APOB: variants seen among roughly 807,000 people sequenced by gnomAD.
APOB encodes the protein apolipoprotein B-100.
APOB carries 153 observed loss-of-function variants against 314.1 expected under a neutral mutation model. That is an observed-to-expected ratio of 0.49 (90% CI 0.43 to 0.56). The LOEUF (loss-of-function observed/expected upper bound fraction) is 0.56. Among genes scored for constraint, APOB ranks in the 20% least tolerant of loss-of-function variants. APOB has a pLI of 0.00. For missense variants in APOB, 5,430 were observed against 5,350.7 expected (o/e 1.01, Z -0.46); for synonymous variants, 2,087 against 2,036.4 (o/e 1.02, Z -0.67).
At position 21,019,757 on chromosome 2, in the gene APOB, A is replaced by C. The variant is rs766825365; in HGVS notation, c.2965T>G (p.Ser989Ala). 2 of 1,614,134 alleles carry C rather than the reference A, an allele frequency of 1.2e-6. No individual in the cohort carries two copies. The highest frequency in any genetic ancestry group is 3.3e-5 in the Admixed American group (2 of 60,012). The change falls in exon 19 of 29, where the codon TCC (serine) becomes GCC (alanine). Residue 989 changes from serine to alanine, a missense_variant. Transcript: ENST00000233242. ...GAYSNASSTD[S>A]ASYYPLTGDT... ...CCGGTCAGCGGATAGTAGGAGGCGG[A>C]GTCTGTGGAGCTGGCGTTGGAGTAA... is the stretch of plus-strand genomic sequence containing the variant.
rs780572928 is a variant in APOB at position 21,012,318 on chromosome 2, T to G, written c.4550A>C (p.Glu1517Ala). 17 of 1,614,026 alleles carry G rather than the reference T, an allele frequency of 1.1e-5. No homozygotes were observed. Among genetic ancestry groups the G allele is most frequent in the Non-Finnish European group, 1.4e-5 (17 of 1,180,034 alleles). ...RDPNTGRLNG[E>A]SNLRFNSSYL... ...GGAGGAGTTAAACCTCAGGTTGGAC[T>G]CTCCATTGAGCCGGCCAGTGTTAGG... The change falls in exon 26 of 29, where the codon GAG becomes GCG. Residue 1517 changes from glutamate to alanine, a missense_variant. By Grantham distance (107) the Glu-to-Ala change is moderately radical. This residue lies in a region of APOB where 2,085 missense variants were observed against 2,079.7 expected (regional missense o/e 1.00). Transcript: ENST00000233242.
chr2:21,010,241 T>A lies in APOB; in HGVS notation c.6627A>T (p.Leu2209Phe). The change falls in exon 26 of 29, where the codon TTA becomes TTT. Residue 2209 changes from leucine (L) to phenylalanine (F), a missense_variant. Around this residue, in one of 3 missense-constraint regions of APOB, gnomAD observed 3,281 missense variants for 3,171.0 expected, o/e 1.03. Coordinates refer to ENST00000233242, the MANE Select transcript of APOB (RefSeq NM_000384.3). Reference sequence around the variant, plus strand: ...TATGATAGTGCTCATCAAGACTTTTTAATTTTTCAATGATTTCATCAATAA... The same window carrying A: ...TATGATAGTGCTCATCAAGACTTTTAAATTTTTCAATGATTTCATCAATAA... ...ANIIDEIIEK[L>F]KSLDEHYHIR... The A allele has an allele frequency of 1.9e-6, 3 of 1,558,574 alleles. No homozygotes were observed. Among genetic ancestry groups the A allele is most frequent in the East Asian group, 4.5e-5 (2 of 44,152 alleles).
Position 21,012,881 on chromosome 2 carries a change from C to A in APOB, c.4217-230G>T, listed in dbSNP as rs149188540. On this transcript the variant is annotated intron_variant, in intron 25 of 28. Transcript: ENST00000233242. ...GGTTCCCTTGTTGAGTGCTTCCACTCTACCTTATACTTATATACTACACTT... is the reference window on the plus strand; with the variant it reads ...GGTTCCCTTGTTGAGTGCTTCCACTATACCTTATACTTATATACTACACTT... 3.9e-5 allele frequency among the ~76,000 whole-genome samples: 6 copies of A among 152,330 alleles called. No individual in the cohort carries two copies. The East Asian group carries it at 1.2e-3, about 29-fold the overall frequency.
intron 24 of APOB, among the ~76,000 whole-genome samples, 164 bp downstream of exon 24, chr2:21,014,284 T>G (rs764135670): frequency 6.6e-6 from 1 of 152,266 alleles, no homozygotes; most frequent in Non-Finnish European, 1.5e-5. Flanking sequence ...GTTCTCATGT[T>G]TACTAATGCA....
chr2:21,014,252 G>C (rs1326764869), intron 24 of APOB, among the ~76,000 whole-genome samples, 196 bp downstream of exon 24: 2 of 152,184 alleles, frequency 1.3e-5, no homozygotes, highest in Non-Finnish European at 2.9e-5. Context: ...GACTTTCTTA[G>C]ATTCTTCCTG....
rs561148083 is a variant in APOB at position 21,042,649 on chromosome 2, A to T, written c.122-173T>A. Among the ~76,000 whole-genome samples, 27 of 152,150 alleles carry T rather than the reference A, an allele frequency of 1.8e-4. 1 individual carries two copies. Among genetic ancestry groups the T allele is most frequent in the African/African-American group, 5.8e-4 (24 of 41,510 alleles). ...CCTTTATAGATTTGACTTCTCCATT[A>T]TGTTTTTGCTGAGGCTAATGTTTAA... On this transcript the variant is annotated intron_variant, in intron 2 of 28. Transcript: ENST00000233242.
At chr2:21,022,761 CA>C in intron 18 of APOB, 69 bp downstream of exon 18, 1 of 1,493,358 alleles carries the variant, frequency 6.7e-7, no homozygotes, top group Admixed American at 1.7e-5. Context: ...TTTAGCCTGG[CA>C]AAATTCTGCA....
chr2:21,007,268 G>A lies in APOB; in HGVS notation c.9600C>T (p.Ser3200=). ...LAVLCEFISQ[S]IKSFDRHFEK... ...CAAAATGCCTGTCAAAGGATTTGAT[G>A]CTCTGACTGATAAACTCACAAAGCA... Residue 3200 remains serine, a synonymous_variant, in exon 26 of 29, where the codon AGC becomes AGT. Transcript: ENST00000233242. 1.9e-6 allele frequency: 3 copies of A among 1,613,462 alleles called. No homozygotes were observed. Among genetic ancestry groups the A allele is most frequent in the Non-Finnish European group, 2.5e-6 (3 of 1,179,674 alleles).
In APOB at chr2:21,002,852, A is replaced by G. The variant is rs1325412434; in HGVS notation, c.12570T>C (p.Ile4190=). The change falls in exon 29 of 29, where the codon ATT becomes ATC. Residue 4190 remains isoleucine, a synonymous_variant. Coordinates refer to ENST00000233242, the MANE Select transcript of APOB (RefSeq NM_000384.3). ...AGTTCAGAAAATCAATGAGTGAGTC[A>G]ATCAGATGCTTGACTTTCATATGGA... ...QEFHMKVKHL[I]DSLIDFLNFP... 1.7e-5 allele frequency: 27 copies of G among 1,613,522 alleles called. No homozygotes were observed. Among genetic ancestry groups the G allele is most frequent in the Non-Finnish European group, 2.3e-5 (27 of 1,179,804 alleles).
chr2:21,011,346 G>A lies in APOB; in HGVS notation c.5522C>T (p.Ala1841Val). 6.2e-7 allele frequency: 1 copy of A among 1,614,162 alleles called. No individual in the cohort carries two copies. Among genetic ancestry groups the A allele is most frequent in the Non-Finnish European group, 8.5e-7 (1 of 1,180,022 alleles). Reference protein sequence around the residue: ...YQNNEIKHIYAISSAALSASY... With the variant: ...YQNNEIKHIYVISSAALSASY... ...TGCTGATAAGGCAGCAGAAGAGATGGCATAGATGTGTTTTATTTCATTATT... is the reference window on the plus strand; with the variant it reads ...TGCTGATAAGGCAGCAGAAGAGATGACATAGATGTGTTTTATTTCATTATT... Residue 1841 changes from alanine to valine, a missense_variant, in exon 26 of 29, where the codon GCC becomes GTC. By Grantham distance (64) the Ala-to-Val change is moderately conservative. This residue lies in a region of APOB where 3,281 missense variants were observed against 3,171.0 expected (regional missense o/e 1.03). Coordinates refer to ENST00000233242, the MANE Select transcript of APOB (RefSeq NM_000384.3).
rs375936466 is a variant in APOB at position 21,007,575 on chromosome 2, T to C, written c.9293A>G (p.Tyr3098Cys). Residue 3098 changes from tyrosine (Y) to cysteine (C), a missense_variant, in exon 26 of 29, where the codon TAC becomes TGC. Around this residue, in one of 3 missense-constraint regions of APOB, gnomAD observed 3,281 missense variants for 3,171.0 expected, o/e 1.03. Transcript: ENST00000233242. ...QVSARFNQYK[Y>C]NQNFSAGNNE... ...GTTTCCAGCAGAGAAATTTTGGTTG[T>C]ACTTATACTGATTGAACCTAGCACT... 3.7e-6 allele frequency: 6 copies of C among 1,613,984 alleles called. No homozygotes were observed. In the African/African-American group the frequency reaches 4.0e-5, roughly 11 times the overall value.
In APOB at chr2:21,010,788, G is replaced by T. The variant is rs892830346; in HGVS notation, c.6080C>A (p.Pro2027Gln). 5.6e-6 allele frequency: 9 copies of T among 1,614,112 alleles called. No homozygotes were observed. The highest frequency in any genetic ancestry group is 7.6e-6 in the Non-Finnish European group (9 of 1,179,998). Residue 2027 changes from proline (P) to glutamine (Q), a missense_variant, in exon 26 of 29, where the codon CCA becomes CAA. Transcript: ENST00000233242. ...ATTGATGGGCTCACTGAGTAAAAGT[G>T]GCACTTTAATTGGGGAGTCTAGTAG... ...LTLLDSPIKV[P>Q]LLLSEPINII...
intron 2 of APOB, among the ~76,000 whole-genome samples, chr2:21,042,975 A>G (rs1300502157): frequency 2.0e-5 from 3 of 149,520 alleles, no homozygotes; most frequent in Non-Finnish European, 4.4e-5. Context: ...TTTCTGAACA[A>G]TTGAAGAAAA....
chr2:21,018,932 C>T (rs1205281909), intron 20 of APOB, 60 bp downstream of exon 20: 1 of 1,612,436 alleles, frequency 6.2e-7, no homozygotes, highest in South Asian at 1.1e-5. Flanking sequence ...GTCTTCTCCT[C>T]ATGAATTCTG....
Position 21,004,305 on chromosome 2 carries a change from G to T in APOB, c.12051C>A (p.Asp4017Glu), listed in dbSNP as rs12713501. Residue 4017 changes from aspartate (D) to glutamate (E), a missense_variant, in exon 28 of 29, where the codon GAC becomes GAA. Transcript: ENST00000233242. ...GTVGMDMDED[D>E]DFSKWNFYYS... ...AGTAGAAGTTCCATTTAGAAAAGTCGTCATCTTCATCCATATCCATGCCCA... is the reference window on the plus strand; with the variant it reads ...AGTAGAAGTTCCATTTAGAAAAGTCTTCATCTTCATCCATATCCATGCCCA... 1 of 1,613,924 alleles carries T rather than the reference G, an allele frequency of 6.2e-7. No individual in the cohort carries two copies. Among genetic ancestry groups the T allele is most frequent in the Non-Finnish European group, 8.5e-7 (1 of 1,179,900 alleles).
intron 5 of APOB, 38 bp from the exon 6 acceptor site, chr2:21,037,293 C>G: frequency 1.3e-6 from 2 of 1,598,600 alleles, no homozygotes; most frequent in Middle Eastern, 3.4e-4. Flanking sequence ...GTATTCAACA[C>G]GGGCAACATC....
At position 21,011,722 on chromosome 2, in the gene APOB, C is replaced by T. The variant is rs1663326677; in HGVS notation, c.5146G>A (p.Ala1716Thr). 9 of 1,614,154 alleles carry T rather than the reference C, an allele frequency of 5.6e-6. No individual in the cohort carries two copies. Among genetic ancestry groups the T allele is most frequent in the Non-Finnish European group, 7.6e-6 (9 of 1,180,030 alleles). Residue 1716 changes from alanine (A) to threonine (T), a missense_variant, in exon 26 of 29, where the codon GCC becomes ACC. Coordinates refer to ENST00000233242, the MANE Select transcript of APOB (RefSeq NM_000384.3). Reference protein sequence around the residue: ...TELSLGSAYQAMILGVDSKNI... With the variant: ...TELSLGSAYQTMILGVDSKNI... ...TTGCTGTCGACACCCAGAATCATGG[C>T]CTGATAAGCACTTCCCAGTGATAGC...
In APOB at chr2:21,040,927, A is replaced by T. The variant is rs751780195; in HGVS notation, c.383+11T>A. The T allele has an allele frequency of 6.2e-7, 1 of 1,613,956 alleles. No homozygotes were observed. Among genetic ancestry groups the T allele is most frequent in the South Asian group, 1.1e-5 (1 of 91,052 alleles). ...ACACACATGCGTGTGCTCATGTACA[A>T]CATGACTTACCTGGACATGGCTGCA... On this transcript the variant is annotated intron_variant, in intron 4 of 28. Coordinates refer to ENST00000233242, the MANE Select transcript of APOB (RefSeq NM_000384.3).
chr2:21,020,867 G>C (rs1663589214), intron 18 of APOB, among the ~76,000 whole-genome samples: 1 of 152,134 alleles, frequency 6.6e-6, no homozygotes, highest in South Asian at 2.1e-4. Flanking sequence ...ACCTTTTATG[G>C]CTTTGGTTCT....
Sources: gnomAD v4.1 joint callset for allele counts (sites outside exome capture counted in the v4.1 genomes callset) on GRCh38, gnomAD v4.1.1 for gene constraint, gnomAD v4.1.1 regional missense constraint, MANE v1.5 for transcripts, NCBI Gene and HGNC (gene_info 2026-07-23, HGNC 2026-07-21) for gene names.